Variants in CTNNA2 observed in about 807,000 individuals in gnomAD.
CTNNA2 encodes catenin alpha 2, also known as catenin alpha-2.
In CTNNA2, 42 loss-of-function variants were observed where a neutral mutation model predicts 101.0. That is an observed-to-expected ratio of 0.42 (90% CI 0.32 to 0.54). CTNNA2 has a LOEUF of 0.54. Ranked by LOEUF, CTNNA2 falls within the 20% of genes least tolerant of loss-of-function variation. The pLI is 0.14. For missense variants in CTNNA2, 871 were observed against 1,223.1 expected, an observed-to-expected ratio of 0.71 and a Z score of 4.29; for synonymous variants, 450 against 456.4, an observed-to-expected ratio of 0.99 and a Z score of 0.18.
At chr2:80,630,157 A>G (rs1330165984) in intron 18 of CTNNA2, among the ~76,000 whole-genome samples, 2 of 152,102 alleles carry the variant, frequency 1.3e-5, no homozygotes, top group South Asian at 2.1e-4. Flanking sequence ...GAGCTTATGT[A>G]TTTCTATTCC....
At chr2:79,256,429 C>G (rs1037466048) in intron 2 of CTNNA2, among the ~76,000 whole-genome samples, 3 of 152,210 alleles carry the variant, frequency 2.0e-5, no homozygotes, top group Non-Finnish European at 4.4e-5. Context: ...TCATAGCAGA[C>G]AGTCACTAAT....
At chr2:80,192,765 G>A (rs909180650) in intron 7 of CTNNA2, among the ~76,000 whole-genome samples, 8 of 152,056 alleles carry the variant, frequency 5.3e-5, no homozygotes, top group Admixed American at 3.3e-4. Context: ...CACCCGCCTC[G>A]GCCTCCCAAA....
intron 3 of CTNNA2, among the ~76,000 whole-genome samples, chr2:79,853,594 T>C (rs1284396583): frequency 6.6e-6 from 1 of 152,266 alleles, no homozygotes; most frequent in African/African-American, 2.4e-5. Flanking sequence ...CATGACCTGA[T>C]TCCTACCTGA....
chr2:79,705,376 TTTG>T (rs1685287511), intron 2 of CTNNA2, among the ~76,000 whole-genome samples: 1 of 152,204 alleles, frequency 6.6e-6, no homozygotes, highest in African/African-American at 2.4e-5. Flanking sequence ...ATTGATCTAT[TTTG>T]TTATTAGTTA....
intron 9 of CTNNA2, among the ~76,000 whole-genome samples, chr2:80,465,379 G>A (rs1684766424): frequency 6.8e-6 from 1 of 147,126 alleles, no homozygotes; most frequent in South Asian, 2.4e-4. Flanking sequence ...GTGTTTATTG[G>A]TGTACTTCCC....
chr2:79,949,299 A>G (rs1398407121), intron 7 of CTNNA2, among the ~76,000 whole-genome samples: 2 of 152,282 alleles, frequency 1.3e-5, no homozygotes, highest in African/African-American at 4.8e-5. Context: ...TGCCTCTGTA[A>G]TTGTGTAAAT....
At chr2:80,243,349 G>A (rs1009139711) in intron 7 of CTNNA2, among the ~76,000 whole-genome samples, 9 of 151,934 alleles carry the variant, frequency 5.9e-5, no homozygotes, top group Non-Finnish European at 1.2e-4. Context: ...TGGTTTCCAC[G>A]AGATAATCAT....
At position 79,199,483 on chromosome 2, in the gene CTNNA2, T is replaced by TA. The variant is rs544628237; in HGVS notation, c.-406+1414dup. On this transcript the variant is annotated intron_variant, in intron 2 of 21. Transcript: ENST00000466387. ...CTAGGAAAGCATTTGTTTTCCTTATTAAAAAAACAGTAATTAACAACTGAT... is the reference window on the plus strand; with the variant it reads ...CTAGGAAAGCATTTGTTTTCCTTATTAAAAAAAACAGTAATTAACAACTGAT... Among the ~76,000 whole-genome samples the TA allele has an allele frequency of 5.9e-5, 9 of 152,258 alleles. No individual in the cohort carries two copies. The South Asian group carries it at 1.9e-3, about 32-fold the overall frequency.
At chr2:79,258,330 C>T (rs1330068055) in intron 2 of CTNNA2, among the ~76,000 whole-genome samples, 1 of 152,226 alleles carries the variant, frequency 6.6e-6, no homozygotes, top group East Asian at 1.9e-4. Flanking sequence ...TGTATCCATG[C>T]GACCTTGGGC....
chr2:80,073,178 G>A (rs557638992), intron 7 of CTNNA2, among the ~76,000 whole-genome samples: 4 of 152,126 alleles, frequency 2.6e-5, no homozygotes, highest in South Asian at 4.1e-4. Context: ...AGGAGATGCC[G>A]GGTGGCATTT....
At chr2:80,631,252 G>T (rs1370183886) in intron 18 of CTNNA2, among the ~76,000 whole-genome samples, 1 of 151,294 alleles carries the variant, frequency 6.6e-6, no homozygotes, top group Non-Finnish European at 1.5e-5. Context: ...GTTTATCTTT[G>T]TTCCTTGGTT....
chr2:79,530,262 G>T (rs1303106265), intron 1 of CTNNA2, among the ~76,000 whole-genome samples: 1 of 152,068 alleles, frequency 6.6e-6, no homozygotes. Context: ...TTAGTGGTTT[G>T]TGCAAAATAT....
chr2:79,838,403 T>C (rs1679554233), intron 3 of CTNNA2, among the ~76,000 whole-genome samples: 1 of 152,024 alleles, frequency 6.6e-6, no homozygotes, highest in African/African-American at 2.4e-5. Flanking sequence ...AAGAAAGGAA[T>C]GTTGTGTTTT....
intron 3 of CTNNA2, among the ~76,000 whole-genome samples, chr2:79,755,867 A>G (rs1324124903): frequency 6.6e-6 from 1 of 152,238 alleles, no homozygotes; most frequent in Non-Finnish European, 1.5e-5. Flanking sequence ...CAAAAAACCT[A>G]GAGATGCATA....
At chr2:79,265,072 A>G (rs898021369) in intron 2 of CTNNA2, among the ~76,000 whole-genome samples, 1 of 152,136 alleles carries the variant, frequency 6.6e-6, no homozygotes, top group Non-Finnish European at 1.5e-5. Context: ...CCATATTAAC[A>G]TGCTTCCAGT....
intron 4 of CTNNA2, among the ~76,000 whole-genome samples, chr2:79,440,486 A>G (rs1335059992): frequency 6.6e-6 from 1 of 152,164 alleles, no homozygotes; most frequent in Non-Finnish European, 1.5e-5. Context: ...TTTTTATTAT[A>G]AACAGAAATA....
At chr2:80,643,522 T>G (rs2149862195) in intron 18 of CTNNA2, among the ~76,000 whole-genome samples, 1 of 152,200 alleles carries the variant, frequency 6.6e-6, no homozygotes, top group Non-Finnish European at 1.5e-5. Context: ...TACAGGAACT[T>G]AATGGGATAT....
intron 7 of CTNNA2, among the ~76,000 whole-genome samples, chr2:80,062,251 AT>A (rs1558771013): frequency 6.6e-6 from 1 of 152,250 alleles, no homozygotes; most frequent in Non-Finnish European, 1.5e-5. Flanking sequence ...TCCAATTTTA[AT>A]TTTGGAAAAT....
chr2:80,149,023 A>ATTT (rs34431691), intron 7 of CTNNA2, among the ~76,000 whole-genome samples: 4 of 124,818 alleles, frequency 3.2e-5, no homozygotes, highest in African/African-American at 5.9e-5. Context: ...TTATTTTGTT[A>ATTT]TTTTTTTTTT....
Sources: gnomAD v4.1 joint callset for allele counts (sites outside exome capture counted in the v4.1 genomes callset) on GRCh38, gnomAD v4.1.1 for gene constraint, MANE v1.5 for transcripts, NCBI Gene and HGNC (gene_info 2026-07-23, HGNC 2026-07-21) for gene names.